The following CFAP74 variants were observed in gnomAD, a reference collection of about 807,000 sequenced individuals.
CFAP74 encodes the protein cilia- and flagella-associated protein 74.
In CFAP74, 124 loss-of-function variants were observed where a neutral mutation model predicts 188.9. That is an observed-to-expected ratio of 0.66 (90% CI 0.57 to 0.76). The LOEUF (loss-of-function observed/expected upper bound fraction) is 0.76, where lower values mean the gene tolerates loss of function less well. Among genes scored for constraint, CFAP74 ranks in the 30% least tolerant of loss-of-function variants. The pLI, the probability that CFAP74 is intolerant of heterozygous loss-of-function variation, is 0.00. For synonymous variants in CFAP74, 956 were observed against 916.7 expected (o/e 1.04, Z -0.77); for missense variants, 2,198 against 2,165.2 (o/e 1.02, Z -0.30).
Position 1,974,069 on chromosome 1 carries a change from C to G in CFAP74, c.630G>C (p.Gln210His), listed in dbSNP as rs574241498. 83 of 1,606,612 alleles carry G rather than the reference C, an allele frequency of 5.2e-5. 2 individuals carry two copies. The South Asian group carries it at 8.4e-4, about 16-fold the overall frequency. The change falls in exon 7 of 39, where the codon CAG becomes CAC. Residue 210 changes from glutamine (Q) to histidine (H), a missense_variant. Physicochemically the swap from Gln to His is conservative, Grantham distance 24 (BLOSUM62 0). Transcript: ENST00000682832. ...TCCGCTCCACCTTCCCCAGGGCCTC[C>G]TGCTCTCTGCAGAGCTGCTCGGCTG... is the stretch of plus-strand genomic sequence containing the variant. Reference protein sequence around the residue: ...VRAAEQLCREQEALGKVERNR... With the variant: ...VRAAEQLCREHEALGKVERNR...
intron 10 of CFAP74, among the ~76,000 whole-genome samples, chr1:1,969,543 C>T (rs1013087684): frequency 6.6e-6 from 1 of 152,094 alleles, no homozygotes. Context: ...AGGGCTTCTT[C>T]CAAGCCCTTA....
intron 1 of CFAP74, among the ~76,000 whole-genome samples, chr1:2,000,774 A>G (rs939226802): frequency 2.6e-5 from 4 of 151,994 alleles, no homozygotes; most frequent in Non-Finnish European, 5.9e-5. Context: ...ACCCTATTCT[A>G]GTATGTCCTC....
intron 22 of CFAP74, 112 bp from the exon 23 acceptor site, chr1:1,940,515 G>A (rs2102045690): frequency 2.7e-6 from 2 of 736,278 alleles, no homozygotes; most frequent in Non-Finnish European, 4.3e-6. Flanking sequence ...GGCGTCTCTG[G>A]AACATCAGCG....
chr1:1,990,800 A>C (rs1657521687), intron 2 of CFAP74, 90 bp downstream of exon 2: 7 of 943,008 alleles, frequency 7.4e-6, no homozygotes, highest in Non-Finnish European at 1.1e-5. Flanking sequence ...CCTCTCCCAG[A>C]AATAAAGGGA....
At chr1:1,999,419 G>A (rs1312641863) in intron 1 of CFAP74, among the ~76,000 whole-genome samples, 1 of 152,158 alleles carries the variant, frequency 6.6e-6, no homozygotes, top group Admixed American at 6.6e-5. Context: ...GAGTCGATGG[G>A]GGGTGGGAAT....
At chr1:1,943,277 C>G (rs568422938) in intron 21 of CFAP74, among the ~76,000 whole-genome samples, 3 of 152,206 alleles carry the variant, frequency 2.0e-5, no homozygotes, top group African/African-American at 7.2e-5. Flanking sequence ...TGTAGTAGGA[C>G]GATGCCGGAG....
chr1:1,994,150 G>A (rs1189242472), intron 1 of CFAP74, among the ~76,000 whole-genome samples: 1 of 135,444 alleles, frequency 7.4e-6, no homozygotes, highest in East Asian at 2.2e-4. Context: ...GGGTGACAGA[G>A]CAAGACCCTG....
At chr1:1,958,926 G>A (rs1446567930) in intron 16 of CFAP74, among the ~76,000 whole-genome samples, 194 bp downstream of exon 16, 6 of 152,226 alleles carry the variant, frequency 3.9e-5, no homozygotes, top group African/African-American at 1.4e-4. Context: ...CCCCACGTTC[G>A]AGACCCCACC....
At chr1:1,989,100 C>G (rs1657424671) in intron 2 of CFAP74, 127 bp from the exon 3 acceptor site, 1 of 470,530 alleles carries the variant, frequency 2.1e-6, no homozygotes, top group African/African-American at 2.0e-5. Context: ...TGCAGCCACA[C>G]AAGCACAGGC....
intron 6 of CFAP74, among the ~76,000 whole-genome samples, chr1:1,983,158 C>T (rs552030822): frequency 1.1e-4 from 16 of 152,246 alleles, no homozygotes; most frequent in East Asian, 5.8e-4. Flanking sequence ...GCTCCCCTAA[C>T]GGTGGAAAGC....
chr1:1,978,600 C>A (rs996095836), intron 6 of CFAP74, among the ~76,000 whole-genome samples: 1 of 152,076 alleles, frequency 6.6e-6, no homozygotes, highest in Non-Finnish European at 1.5e-5. Context: ...GGAGGAGGAA[C>A]GCAGGCAGCT....
At chr1:1,981,095 G>A (rs1238338942) in intron 6 of CFAP74, among the ~76,000 whole-genome samples, 1 of 152,218 alleles carries the variant, frequency 6.6e-6, no homozygotes, top group Non-Finnish European at 1.5e-5. Flanking sequence ...CGCTCTCCAA[G>A]CTGCCCCTCG....
chr1:1,954,783 T>G (rs2803287), intron 18 of CFAP74: 907,736 of 1,096,282 alleles, frequency 0.83, 376,343 homozygotes, highest in East Asian at 0.86. Context: ...TGTCTCAACA[T>G]AAAAAGAACT....
In CFAP74 at chr1:1,977,591, G is replaced by A. The variant is rs149570518; in HGVS notation, c.501-3393C>T. 3.2e-3 allele frequency among the ~76,000 whole-genome samples: 483 copies of A among 152,310 alleles called. 4 individuals are homozygous for A. The highest frequency in any genetic ancestry group is 0.011 in the African/African-American group (466 of 41,554). ...ATGTAGCCAATCTACACAGCAGGACGTGGGGGAAGGTGTGTGGGAATGAAT... is the reference window on the plus strand; with the variant it reads ...ATGTAGCCAATCTACACAGCAGGACATGGGGGAAGGTGTGTGGGAATGAAT... On this transcript the variant is annotated intron_variant, in intron 6 of 38. Transcript: ENST00000682832.
intron 25 of CFAP74, among the ~76,000 whole-genome samples, chr1:1,936,085 C>T (rs1271313579): frequency 6.6e-6 from 1 of 151,146 alleles, no homozygotes; most frequent in South Asian, 2.1e-4. Flanking sequence ...GGCGTGGTGG[C>T]GTATGCCTGT....
At chr1:1,999,237 G>A (rs188787680) in intron 1 of CFAP74, among the ~76,000 whole-genome samples, 6 of 152,198 alleles carry the variant, frequency 3.9e-5, no homozygotes, top group Non-Finnish European at 7.3e-5. Context: ...ACAGATCAGA[G>A]AGGCCAGAAA....
At chr1:1,963,456 CAAAAAAAAAAAA>C (rs772909618) in intron 14 of CFAP74, among the ~76,000 whole-genome samples, 2 of 32,880 alleles carry the variant, frequency 6.1e-5, no homozygotes, top group African/African-American at 1.3e-4. Context: ...GACTCCATCT[CAAAAAAAAAAAA>C]AAAAAAAAAA....
chr1:1,982,575 G>C (rs1656971138), intron 6 of CFAP74, among the ~76,000 whole-genome samples: 1 of 152,276 alleles, frequency 6.6e-6, no homozygotes. Context: ...GTGGGGTGGG[G>C]CTACCCACTG....
In CFAP74 at chr1:1,933,014, T is replaced by C. The variant is rs190986796; in HGVS notation, c.3012-2678A>G. Among the ~76,000 whole-genome samples, 160 of 149,846 alleles carry C rather than the reference T, an allele frequency of 1.1e-3. 1 individual carries two copies. In the East Asian group the frequency reaches 0.022, roughly 21 times the overall value. On this transcript the variant is annotated intron_variant, in intron 25 of 38. Transcript: ENST00000682832. ...CATTCTCCTGCCTCAGCCTCCCGAGTAGCTGGGACTATAGGCGCCCGCCAC... is the reference window on the plus strand; with the variant it reads ...CATTCTCCTGCCTCAGCCTCCCGAGCAGCTGGGACTATAGGCGCCCGCCAC...
Sources: allele counts gnomAD v4.1 joint callset (sites outside exome capture counted in the v4.1 genomes callset), GRCh38; gene constraint gnomAD v4.1.1; transcripts MANE v1.5; gene names NCBI Gene and HGNC (gene_info 2026-07-23, HGNC 2026-07-21).